The following TRAP1 variants were observed in gnomAD, a reference collection of about 807,000 sequenced individuals.
The protein encoded by TRAP1 is heat shock protein 75 kDa, mitochondrial.
In TRAP1, 102 loss-of-function variants were observed where a neutral mutation model predicts 89.1. The ratio of observed to expected loss-of-function variants is 1.15; its 90% CI spans 0.98 to 1.35. TRAP1 has a LOEUF of 1.35. Ranked by LOEUF, TRAP1 falls within the 40% of genes most tolerant of loss-of-function variation. The probability of loss-of-function intolerance (pLI) is 0.00; values close to 1 mark genes in which losing one functional copy is unlikely to be tolerated. For synonymous variants in TRAP1, 508 were observed against 388.0 expected (o/e 1.31, Z -3.64); for missense variants, 1,256 against 945.3 (o/e 1.33, Z -4.31).
chr16:3,666,791 C>CT (rs1170946611), intron 11 of TRAP1, among the ~76,000 whole-genome samples: 1 of 152,170 alleles, frequency 6.6e-6, no homozygotes, highest in African/African-American at 2.4e-5. Context: ...TATGTATACT[C>CT]TAATTTTTCA....
intron 5 of TRAP1, among the ~76,000 whole-genome samples, chr16:3,679,116 C>T (rs534287389): frequency 6.6e-6 from 1 of 152,130 alleles, no homozygotes; most frequent in African/African-American, 2.4e-5. Flanking sequence ...ATGGTGAAAC[C>T]CCGTCTCTAC....
At chr16:3,670,485 G>C (rs768493832) in intron 11 of TRAP1, among the ~76,000 whole-genome samples, 9 of 150,984 alleles carry the variant, frequency 6.0e-5, no homozygotes, top group Non-Finnish European at 1.5e-5. Flanking sequence ...AGGATCGCTT[G>C]AGCCCAGGAG....
chr16:3,705,095 C>T (rs544432653), intron 1 of TRAP1, among the ~76,000 whole-genome samples: 9 of 152,160 alleles, frequency 5.9e-5, no homozygotes, highest in African/African-American at 9.6e-5. Context: ...GACGGAGTCT[C>T]GCTCTGTCGC....
At chr16:3,676,261 AC>A (rs1452175918) in intron 6 of TRAP1, 116 bp from the exon 7 acceptor site, 1 of 707,652 alleles carries the variant, frequency 1.4e-6, no homozygotes, top group African/African-American at 1.8e-5. Flanking sequence ...CACACAACAC[AC>A]CTCAAATGCC....
In TRAP1 at chr16:3,662,177, TGA is replaced by T. The variant is rs766207283; in HGVS notation, c.1795-47_1795-46del. 5.1e-6 allele frequency: 8 copies of T among 1,582,458 alleles called. No individual in the cohort carries two copies. The South Asian group carries it at 9.2e-5, about 18-fold the overall frequency. On this transcript the variant is annotated intron_variant, in intron 15 of 17. Coordinates refer to ENST00000246957, the MANE Select transcript of TRAP1 (RefSeq NM_016292.3). ...TTGAGGGTGATAGAGGTTCCCAATG[TGA>T]GAGGGCTGGCAGGATCTTACCAGGG...
chr16:3,717,441 G>A lies in TRAP1; in HGVS notation c.68C>T (p.Ala23Val). 1.6e-6 allele frequency: 2 copies of A among 1,270,390 alleles called. No individual in the cohort carries two copies. The highest frequency in any genetic ancestry group is 9.9e-7 in the Non-Finnish European group (1 of 1,014,036). The allele number at this position is 1,270,390 out of a possible 1,614,324, so 78.7% of individuals were successfully genotyped here. Reference protein sequence around the residue: ...RRLRPLLRAPALAAVPGGKPI... With the variant: ...RRLRPLLRAPVLAAVPGGKPI... ...CTCACCTCCCGGCACGGCCGCCAGC[G>A]CCGGCGCCCGCAGCAAAGGCCGCAG... The change falls in exon 1 of 18, where the codon GCG becomes GTG. Residue 23 changes from alanine (A) to valine (V), a missense_variant. By Grantham distance (64) the Ala-to-Val change is moderately conservative. Coordinates refer to ENST00000246957, the MANE Select transcript of TRAP1 (RefSeq NM_016292.3).
At chr16:3,663,737 A>C (rs1280348309) in intron 13 of TRAP1, 175 bp from the exon 14 acceptor site, 3 of 734,392 alleles carry the variant, frequency 4.1e-6, no homozygotes, top group Non-Finnish European at 6.5e-6. Context: ...GGTCTAAGGA[A>C]GGCTCTGACT....
At chr16:3,674,804 C>T in intron 8 of TRAP1, 1 of 435,022 alleles carries the variant, frequency 2.3e-6, no homozygotes, top group Non-Finnish European at 4.2e-6. Flanking sequence ...ACAGTGTGGG[C>T]CGTGAGAGCG....
chr16:3,708,217 G>A (rs1469175315), intron 1 of TRAP1, among the ~76,000 whole-genome samples: 3 of 151,864 alleles, frequency 2.0e-5, no homozygotes, highest in Non-Finnish European at 1.5e-5. Context: ...ATTTAGTGCC[G>A]TGGCTCACGC....
intron 1 of TRAP1, among the ~76,000 whole-genome samples, chr16:3,713,650 T>C (rs756175667): frequency 3.3e-5 from 5 of 152,244 alleles, no homozygotes; most frequent in Admixed American, 1.3e-4. Flanking sequence ...CCCTTGGTGA[T>C]TGTGGCAGTC....
intron 5 of TRAP1, chr16:3,677,887 T>C: frequency 1.9e-6 from 1 of 517,592 alleles, no homozygotes; most frequent in Non-Finnish European, 3.4e-6. Flanking sequence ...TTCCATTTGA[T>C]TCCCAAAGCT....
chr16:3,680,233 TC>T (rs1236458710), intron 4 of TRAP1: 2 of 141,478 alleles, frequency 1.4e-5, no homozygotes, highest in African/African-American at 2.8e-5. Context: ...AGACTCCATC[TC>T]AAAAAAAAAA....
intron 15 of TRAP1, 47 bp from the exon 16 acceptor site, chr16:3,662,179 A>T (rs753104740): frequency 1.3e-5 from 21 of 1,581,810 alleles, no homozygotes; most frequent in African/African-American, 2.7e-5. Context: ...TCCCAATGTG[A>T]GAGGGCTGGC....
chr16:3,701,533 A>G (rs1179021754), intron 1 of TRAP1, among the ~76,000 whole-genome samples: 2 of 143,936 alleles, frequency 1.4e-5, no homozygotes, highest in Non-Finnish European at 3.0e-5. Context: ...TCTGGGTGAC[A>G]GAGTAAGACC....
rs1463164560 is a variant in TRAP1 at position 3,710,875 on chromosome 16, A to AT, written c.88+6545dup. On this transcript the variant is annotated intron_variant, in intron 1 of 17. Coordinates refer to ENST00000246957, the MANE Select transcript of TRAP1 (RefSeq NM_016292.3). ...TGTGTGTGTATATATATATATATAT[A>AT]TATATTTTTTTTTTTGAGACACTGT... Among the ~76,000 whole-genome samples, 363 of 59,106 alleles carry AT rather than the reference A, an allele frequency of 6.1e-3. 1 individual carries two copies. Among genetic ancestry groups the AT allele is most frequent in the Non-Finnish European group, 9.0e-3 (264 of 29,180 alleles). The allele number at this position is 59,106 out of a possible 152,430, so 38.8% of individuals were successfully genotyped here.
chr16:3,689,406 G>C (rs1194588757), intron 2 of TRAP1, among the ~76,000 whole-genome samples: 1 of 151,944 alleles, frequency 6.6e-6, no homozygotes, highest in African/African-American at 2.4e-5. Context: ...CACCACGCCC[G>C]GCTAATTTTT....
At chr16:3,693,021 C>T (rs1234539234) in intron 1 of TRAP1, among the ~76,000 whole-genome samples, 5 of 151,822 alleles carry the variant, frequency 3.3e-5, no homozygotes, top group South Asian at 2.1e-4. Context: ...GCAGTGATCT[C>T]GGCTCACTGC....
intron 9 of TRAP1, among the ~76,000 whole-genome samples, chr16:3,674,086 CTTTT>C (rs957850870): frequency 1.3e-5 from 2 of 152,136 alleles, no homozygotes; most frequent in Non-Finnish European, 2.9e-5. Flanking sequence ...GGCATCTGTT[CTTTT>C]TTTCTTTTTT....
Position 3,717,509 on chromosome 16 carries a change from G to A in TRAP1, c.-1C>T, listed in dbSNP as rs1227131755. 1 of 1,358,486 alleles carries A rather than the reference G, an allele frequency of 7.4e-7. No homozygotes were observed. Among genetic ancestry groups the A allele is most frequent in the Non-Finnish European group, 9.5e-7 (1 of 1,056,630 alleles). 84.2% of individuals were successfully genotyped at this position (1,358,486 alleles called of 1,614,324 possible). A position where few individuals can be genotyped will look rare whatever the true frequency, so the allele number is the denominator to read the frequency against. On this transcript the variant is annotated 5_prime_UTR_variant, in exon 1 of 18. Transcript: ENST00000246957. Reference sequence around the variant, plus strand: ...GCAGCGCCCGCAGCTCGCGCGCCATGTCGTACTCCCAGAGCGCCGCGCGCA... The same window carrying A: ...GCAGCGCCCGCAGCTCGCGCGCCATATCGTACTCCCAGAGCGCCGCGCGCA...
Sources: allele counts gnomAD v4.1 joint callset (sites outside exome capture counted in the v4.1 genomes callset), GRCh38; gene constraint gnomAD v4.1.1; transcripts MANE v1.5; gene names NCBI Gene and HGNC (gene_info 2026-07-23, HGNC 2026-07-21).